NDST3: variants seen among roughly 807,000 people sequenced by gnomAD.
NDST3 encodes the protein N-deacetylase and N-sulfotransferase 3.
In NDST3, 58 loss-of-function variants were observed where a neutral mutation model predicts 96.1. The observed-to-expected ratio is 0.60, with a 90% CI of 0.49 to 0.75. The LOEUF (loss-of-function observed/expected upper bound fraction) is 0.75. NDST3 is among the 30% of genes least tolerant of loss of function. The pLI, the probability that NDST3 is intolerant of heterozygous loss-of-function variation, is 0.00. For synonymous variants in NDST3, 333 were observed against 359.7 expected, an observed-to-expected ratio of 0.93 and a Z score of 0.84; for missense variants, 788 against 1,034.2, an observed-to-expected ratio of 0.76 and a Z score of 3.27.
intron 2 of NDST3, among the ~76,000 whole-genome samples, chr4:118,063,232 C>A (rs1029579884): frequency 6.6e-6 from 1 of 150,734 alleles, no homozygotes; most frequent in African/African-American, 2.4e-5. Flanking sequence ...ATCCAACCCA[C>A]GCATGATACA....
intron 12 of NDST3, among the ~76,000 whole-genome samples, chr4:118,244,780 T>C (rs781514026): frequency 7.9e-5 from 12 of 152,156 alleles, no homozygotes; most frequent in Non-Finnish European, 1.2e-4. Flanking sequence ...TTTCCACAAG[T>C]GCTAAAGAAA....
intron 10 of NDST3, among the ~76,000 whole-genome samples, chr4:118,238,139 G>C (rs539523115): frequency 4.9e-5 from 7 of 143,046 alleles, no homozygotes; most frequent in African/African-American, 1.6e-4. Context: ...GAGAGAGAGA[G>C]AGAGAGAAAA....
intron 6 of NDST3, among the ~76,000 whole-genome samples, chr4:118,157,585 G>A (rs1734800207): frequency 6.6e-6 from 1 of 151,960 alleles, no homozygotes; most frequent in Non-Finnish European, 1.5e-5. Flanking sequence ...ACCATGCCCG[G>A]CTAATTTTTT....
intron 6 of NDST3, among the ~76,000 whole-genome samples, chr4:118,186,925 A>G (rs2125959515): frequency 6.6e-6 from 1 of 152,294 alleles, no homozygotes; most frequent in Middle Eastern, 3.4e-3. Context: ...CATTCTTGAG[A>G]TGGCTGCATG....
intron 3 of NDST3, among the ~76,000 whole-genome samples, chr4:118,112,706 T>TCA (rs1462572138): frequency 6.6e-6 from 1 of 152,120 alleles, no homozygotes; most frequent in African/African-American, 2.4e-5. Flanking sequence ...TTTACAAAGG[T>TCA]CACCTTATTT....
chr4:118,142,195 G>A (rs1029358130), intron 5 of NDST3, among the ~76,000 whole-genome samples: 7 of 151,880 alleles, frequency 4.6e-5, no homozygotes, highest in African/African-American at 1.7e-4. Context: ...GACATCATCA[G>A]AGCTAATATT....
rs1726506269 is a variant in NDST3, at chr4:118,066,465, A to ATATGTTATATATTATATATTATATAT, written c.981+11577_981+11578insGTTATATATTATATATTATATATTAT. ...ATATGTTATATATTATATATACATTATATATGTTATATATTATATATACAT... is the reference window on the plus strand; with the variant it reads ...ATATGTTATATATTATATATACATTATATGTTATATATTATATATTATATATTATATGTTATATATTATATATACAT... On this transcript the variant is annotated intron_variant, in intron 2 of 13. Transcript: ENST00000296499. Among the ~76,000 whole-genome samples the ATATGTTATATATTATATATTATATAT allele has an allele frequency of 6.7e-4, 2 of 3,000 alleles. 1 individual carries two copies. The highest frequency in any genetic ancestry group is 0.067 in the Admixed American group (2 of 30). 2.0% of individuals were successfully genotyped at this position (3,000 alleles called of 152,430 possible).
chr4:118,093,832 T>C (rs1245691196), intron 2 of NDST3, among the ~76,000 whole-genome samples: 3 of 151,842 alleles, frequency 2.0e-5, no homozygotes, highest in Admixed American at 1.3e-4. Context: ...TTATAAATAA[T>C]AGAAATTTAG....
rs1739760677 is a variant in NDST3, at chr4:118,224,666, T to A, written c.1715T>A (p.Leu572His). 6.3e-7 allele frequency: 1 copy of A among 1,584,682 alleles called. No homozygotes were observed. The highest frequency in any genetic ancestry group is 8.6e-7 in the Non-Finnish European group (1 of 1,166,044). Residue 572 changes from leucine (L) to histidine (H), a missense_variant, in exon 7 of 14, where the codon CTC (leucine) becomes CAC (histidine). Physicochemically the swap from Leu to His is moderately conservative, Grantham distance 99 (BLOSUM62 -3). Around this residue, in one of 3 missense-constraint regions of NDST3, gnomAD observed 490 missense variants for 708.8 expected, o/e 0.69. Coordinates refer to ENST00000296499, the MANE Select transcript of NDST3 (RefSeq NM_004784.3). ...FELFPDQKDP[L>H]WQNPCDDKRH... is the part of the protein sequence containing the mutation. ...CTGTTTCCTGATCAGAAAGACCCTC[T>A]CTGGCAGGTAAAATTAATTAAATAA...
At chr4:118,230,226 G>C (rs561518942) in intron 8 of NDST3, among the ~76,000 whole-genome samples, 110 of 152,270 alleles carry the variant, frequency 7.2e-4, no homozygotes, top group Non-Finnish European at 7.6e-4. Context: ...TTCTAAGTCA[G>C]TGATTCTCAA....
At chr4:118,235,068 T>C (rs984405276) in intron 9 of NDST3, among the ~76,000 whole-genome samples, 3 of 30,884 alleles carry the variant, frequency 9.7e-5, no homozygotes, top group Non-Finnish European at 1.9e-4. Flanking sequence ...AAGGAAGGAC[T>C]GACTCAGGGT....
At position 118,237,031 on chromosome 4, in the gene NDST3, A is replaced by G; in HGVS notation, c.1944-15A>G. On this transcript the variant is annotated splice_polypyrimidine_tract_variant and intron_variant, in intron 9 of 13. Transcript: ENST00000296499. ...AAACCAGAATCTTATTTTGAGAAAA[A>G]TATTCCTTTTCTAGGTATATGGATT... is the stretch of plus-strand genomic sequence containing the variant. 6.4e-7 allele frequency: 1 copy of G among 1,555,572 alleles called. No homozygotes were observed.
At position 118,240,616 on chromosome 4, in the gene NDST3, C is replaced by T. The variant is rs1188564188; in HGVS notation, c.2211C>T (p.Ala737=). The part of the protein sequence containing the change: ...AGPRAPSELR[A]LQKRCLVPGW... ...CCCGTGCACCCTCGGAGCTCAGAGC[C>T]TTGCAGAAGAGATGTTTGGTCCCGG... The change falls in exon 11 of 14, where the codon GCC becomes GCT. Residue 737 remains alanine (A), a synonymous_variant. Transcript: ENST00000296499. The T allele has an allele frequency of 5.6e-6, 9 of 1,613,888 alleles. No individual in the cohort carries two copies. Among genetic ancestry groups the T allele is most frequent in the Non-Finnish European group, 7.6e-6 (9 of 1,179,910 alleles).
intron 6 of NDST3, among the ~76,000 whole-genome samples, chr4:118,178,582 TTGA>T (rs1319171816): frequency 6.6e-6 from 1 of 152,062 alleles, no homozygotes; most frequent in Non-Finnish European, 1.5e-5. Context: ...CATTCATTCA[TTGA>T]TGAACACTTA....
rs114373528 is a variant in NDST3 at position 118,171,587 on chromosome 4, G to A, written c.1539+27903G>A. Among the ~76,000 whole-genome samples, 634 of 152,234 alleles carry A rather than the reference G, an allele frequency of 4.2e-3. 1 individual carries two copies. Among genetic ancestry groups the A allele is most frequent in the Middle Eastern group, 0.01 (3 of 294 alleles). On this transcript the variant is annotated intron_variant, in intron 6 of 13. Transcript: ENST00000296499. ...TCCCTGTGGCCCTAGAGTGTGGGGT[G>A]ACCTGTTGCAGATGTTAGTAATTTC...
chr4:118,234,080 A>T (rs1740481637), intron 9 of NDST3, among the ~76,000 whole-genome samples: 1 of 152,176 alleles, frequency 6.6e-6, no homozygotes, highest in Admixed American at 6.5e-5. Flanking sequence ...GATATTGATT[A>T]ATTGTGTGGT....
chr4:118,037,149 C>T (rs1054720650), intron 1 of NDST3, among the ~76,000 whole-genome samples: 1 of 152,060 alleles, frequency 6.6e-6, no homozygotes, highest in Non-Finnish European at 1.5e-5. Flanking sequence ...CTTTTTTATC[C>T]TGTTTGTTCA....
chr4:118,150,327 C>A (rs1413710114), intron 6 of NDST3, among the ~76,000 whole-genome samples: 1 of 152,110 alleles, frequency 6.6e-6, no homozygotes, highest in Non-Finnish European at 1.5e-5. Flanking sequence ...TAAGCACGGG[C>A]AAGGACTTCA....
intron 6 of NDST3, among the ~76,000 whole-genome samples, chr4:118,163,267 C>A (rs866850087): frequency 1.3e-5 from 2 of 152,128 alleles, no homozygotes; most frequent in African/African-American, 2.4e-5. Context: ...ACCCAAAGGA[C>A]TATAAATCAT....
Sources: gnomAD v4.1 joint callset for allele counts (sites outside exome capture counted in the v4.1 genomes callset) on GRCh38, gnomAD v4.1.1 for gene constraint, gnomAD v4.1.1 regional missense constraint, MANE v1.5 for transcripts, NCBI Gene and HGNC (gene_info 2026-07-23, HGNC 2026-07-21) for gene names.